The following TEC variants were observed in gnomAD, a reference collection of about 807,000 sequenced individuals.
TEC encodes the protein tec protein tyrosine kinase.
In TEC, 72 loss-of-function variants were observed where a neutral mutation model predicts 93.0. That is an observed-to-expected ratio of 0.77 (90% confidence interval 0.64 to 0.94). The LOEUF (loss-of-function observed/expected upper bound fraction) is 0.94, where lower values mean the gene tolerates loss of function less well. TEC is among the 40% of genes least tolerant of loss of function. The probability of loss-of-function intolerance (pLI) is 0.00; values close to 1 mark genes in which losing one functional copy is unlikely to be tolerated. For missense variants in TEC, 630 were observed against 757.9 expected, an observed-to-expected ratio of 0.83 and a Z score of 1.98; for synonymous variants, 249 against 247.7, an observed-to-expected ratio of 1.01 and a Z score of -0.05.
chr4:48,255,591 G>A (rs1724320653), intron 1 of TEC, among the ~76,000 whole-genome samples: 1 of 152,228 alleles, frequency 6.6e-6, no homozygotes, highest in Admixed American at 6.5e-5. Context: ...GCACTTGAGA[G>A]AGCTTTGAAG....
At chr4:48,265,410 T>TAC (rs1163881173) in intron 1 of TEC, among the ~76,000 whole-genome samples, 1 of 146,120 alleles carries the variant, frequency 6.8e-6, no homozygotes, top group African/African-American at 2.5e-5. Flanking sequence ...TGTATATATA[T>TAC]ACACACACAT....
chr4:48,151,816 G>A (rs1373346723), intron 9 of TEC, among the ~76,000 whole-genome samples: 1 of 152,208 alleles, frequency 6.6e-6, no homozygotes, highest in African/African-American at 2.4e-5. Context: ...AGGAGAGATG[G>A]AGGCACAAGT....
chr4:48,141,644 T>C (rs1719671634), intron 14 of TEC: 1 of 455,820 alleles, frequency 2.2e-6, no homozygotes, highest in Non-Finnish European at 3.8e-6. Context: ...AAGGCATTAT[T>C]ACATAATCTT....
intron 2 of TEC, among the ~76,000 whole-genome samples, chr4:48,187,673 C>G (rs1302497670): frequency 6.6e-6 from 1 of 152,206 alleles, no homozygotes; most frequent in African/African-American, 2.4e-5. Context: ...TAAAACCTAT[C>G]ACCAGATGTG....
At chr4:48,217,079 G>A (rs1212133764) in intron 2 of TEC, among the ~76,000 whole-genome samples, 1 of 152,010 alleles carries the variant, frequency 6.6e-6, no homozygotes, top group Non-Finnish European at 1.5e-5. Flanking sequence ...GGGAGGAAAC[G>A]AGAGAGATGG....
rs1401160508 is a variant in TEC at position 48,193,276 on chromosome 4, T to C, written c.139-17090A>G. Among the ~76,000 whole-genome samples the C allele has an allele frequency of 2.0e-5, 3 of 152,046 alleles. No individual in the cohort carries two copies. The East Asian group carries it at 5.8e-4, about 29-fold the overall frequency. ...AAGAGCATAACCAGCACCACCACTT[T>C]TTCTTAACTACGCCGTTTTCGAGAA... On this transcript the variant is annotated intron_variant, in intron 2 of 17. Coordinates refer to ENST00000381501, the MANE Select transcript of TEC (RefSeq NM_003215.3).
Position 48,170,200 on chromosome 4 carries a change from A to G in TEC, c.454+48T>C, listed in dbSNP as rs763837137. 2.1e-6 allele frequency: 3 copies of G among 1,435,322 alleles called. No homozygotes were observed. The South Asian group carries it at 3.8e-5, about 18-fold the overall frequency. The allele number at this position is 1,435,322 out of a possible 1,614,324, so 88.9% of individuals were successfully genotyped here. The stretch of plus-strand genomic sequence containing the variant: ...GTCACTTTCTTACCATACCAATAAT[A>G]CGTTCATTCTAAGCACAATATAATT... On this transcript the variant is annotated intron_variant, in intron 5 of 17. Transcript: ENST00000381501.
chr4:48,235,809 A>G (rs577591652), intron 1 of TEC, among the ~76,000 whole-genome samples: 8 of 152,324 alleles, frequency 5.3e-5, no homozygotes, highest in Non-Finnish European at 1.2e-4. Context: ...CACTGTCCCA[A>G]TCACTAAGCA....
At chr4:48,154,357 G>A (rs1365545835) in intron 9 of TEC, among the ~76,000 whole-genome samples, 1 of 152,212 alleles carries the variant, frequency 6.6e-6, no homozygotes, top group Non-Finnish European at 1.5e-5. Context: ...TGCTGCTTCT[G>A]TGACCTTCTT....
intron 1 of TEC, among the ~76,000 whole-genome samples, chr4:48,267,829 G>C (rs1724679308): frequency 6.6e-6 from 1 of 152,218 alleles, no homozygotes; most frequent in Non-Finnish European, 1.5e-5. Context: ...TAAGAATCTG[G>C]GAGGGGTGGG....
At chr4:48,210,519 GAT>G (rs1722869416) in intron 2 of TEC, among the ~76,000 whole-genome samples, 1 of 144,344 alleles carries the variant, frequency 6.9e-6, no homozygotes, top group Non-Finnish European at 1.6e-5. Flanking sequence ...GGAGGAGGAT[GAT>G]GAGGAGGAGG....
chr4:48,233,636 T>A (rs1723703599), intron 1 of TEC, among the ~76,000 whole-genome samples: 2 of 128,170 alleles, frequency 1.6e-5, no homozygotes, highest in African/African-American at 3.5e-5. Context: ...AAAAAGAAAA[T>A]GTTAAAAAAA....
chr4:48,180,977 T>C (rs1392249303), intron 2 of TEC, among the ~76,000 whole-genome samples: 9 of 152,090 alleles, frequency 5.9e-5, no homozygotes. Flanking sequence ...CCAGATAATT[T>C]AGAAGGCAGA....
intron 1 of TEC, among the ~76,000 whole-genome samples, chr4:48,238,764 T>C (rs1289381938): frequency 3.3e-5 from 5 of 151,520 alleles, no homozygotes; most frequent in African/African-American, 1.2e-4. Context: ...AGTGTGGCCA[T>C]CTGACTAAGT....
chr4:48,265,435 ACATATATACG>A (rs1724609372), intron 1 of TEC, among the ~76,000 whole-genome samples: 1 of 138,904 alleles, frequency 7.2e-6, no homozygotes, highest in East Asian at 2.2e-4. Flanking sequence ...ATACACACAC[ACATATATACG>A]TATATATATA....
At chr4:48,192,683 A>G (rs1358617934) in intron 2 of TEC, among the ~76,000 whole-genome samples, 1 of 152,234 alleles carries the variant, frequency 6.6e-6, no homozygotes, top group East Asian at 1.9e-4. Context: ...ATTAAGCAAA[A>G]TAACTCTGGT....
At chr4:48,184,321 T>C (rs945188851) in intron 2 of TEC, among the ~76,000 whole-genome samples, 2 of 152,242 alleles carry the variant, frequency 1.3e-5, no homozygotes, top group Admixed American at 6.5e-5. Flanking sequence ...CATTTAACTA[T>C]GTGCAAACAT....
intron 2 of TEC, among the ~76,000 whole-genome samples, chr4:48,217,425 C>A (rs1723117963): frequency 1.3e-5 from 2 of 152,096 alleles, no homozygotes; most frequent in South Asian, 4.1e-4. Flanking sequence ...TTTTACTCAT[C>A]CTAGTGAACC....
intron 1 of TEC, among the ~76,000 whole-genome samples, chr4:48,237,275 G>C (rs1429100521): frequency 6.6e-6 from 1 of 151,170 alleles, no homozygotes; most frequent in Non-Finnish European, 1.5e-5. Context: ...AGCCAAGATC[G>C]TGCGACTGCA....
Sources: allele counts gnomAD v4.1 joint callset (sites outside exome capture counted in the v4.1 genomes callset), GRCh38; gene constraint gnomAD v4.1.1; transcripts MANE v1.5; gene names NCBI Gene and HGNC (gene_info 2026-07-23, HGNC 2026-07-21).